The following GCFC2 variants were observed in gnomAD, a reference collection of about 807,000 sequenced individuals.
GCFC2 encodes intron Large complex component GCFC2.
Under a neutral mutation model 99.4 loss-of-function variants are expected in GCFC2, and 102 were observed. The ratio of observed to expected loss-of-function variants is 1.03; its 90% CI spans 0.87 to 1.21. GCFC2 has a LOEUF of 1.21. GCFC2 is among the 50% of genes most tolerant of loss of function. The pLI is 0.00. For synonymous variants in GCFC2, 338 were observed against 316.8 expected, an observed-to-expected ratio of 1.07 and a Z score of -0.71; for missense variants, 973 against 920.9, an observed-to-expected ratio of 1.06 and a Z score of -0.73.
chr2:75,712,286 G>A (rs553849094), upstream of GCFC2, among the ~76,000 whole-genome samples: 2 of 117,044 alleles, frequency 1.7e-5, no homozygotes, highest in Admixed American at 1.7e-4. Flanking sequence ...CTCAAGGTTT[G>A]TAAACCCACC....
chr2:75,689,817 A>G lies in GCFC2; in HGVS notation c.1339+152T>C, dbSNP rs558638912. The G allele has an allele frequency of 1.0e-4, 56 of 553,354 alleles. 1 individual carries two copies. The highest frequency in any genetic ancestry group is 5.7e-4 in the South Asian group (22 of 38,910). 34.3% of individuals were successfully genotyped at this position (553,354 alleles called of 1,614,324 possible). A position where few individuals can be genotyped will look rare whatever the true frequency, so the allele number is the denominator to read the frequency against. ...CATTTTACTCCATTTTTTCAGAGAA[A>G]AGAGTCTTACAGAGGAAAAATGTGT... is the stretch of plus-strand genomic sequence containing the variant. On this transcript the variant is annotated intron_variant, in intron 9 of 16. Coordinates refer to ENST00000321027, the MANE Select transcript of GCFC2 (RefSeq NM_003203.5).
intron 11 of GCFC2, among the ~76,000 whole-genome samples, chr2:75,681,678 A>G (rs1679585796): frequency 6.6e-6 from 1 of 151,908 alleles, no homozygotes; most frequent in African/African-American, 2.4e-5. Flanking sequence ...GGAGCCCAGC[A>G]AGCTAAGATC....
intron 3 of GCFC2, chr2:75,701,980 G>T: frequency 1.5e-6 from 2 of 1,316,528 alleles, no homozygotes; most frequent in South Asian, 2.2e-5. Flanking sequence ...AAGGTGGGAG[G>T]TCAGGCATTA....
intron 15 of GCFC2, among the ~76,000 whole-genome samples, chr2:75,666,295 ATTCT>A (rs1573038122): frequency 6.6e-6 from 1 of 152,194 alleles, no homozygotes; most frequent in Non-Finnish European, 1.5e-5. Context: ...AGTACTAGTA[ATTCT>A]TTCTATATTC....
chr2:75,711,295 C>T (rs1226090329), upstream of GCFC2: 1 of 802,738 alleles, frequency 1.2e-6, no homozygotes, highest in African/African-American at 1.9e-5. Context: ...CAAACGAAAC[C>T]CCAGCAGTGT....
chr2:75,710,865 C>T lies in GCFC2; in HGVS notation c.-10G>A. The T allele has an allele frequency of 6.5e-7, 1 of 1,541,754 alleles. No individual in the cohort carries two copies. Among genetic ancestry groups the T allele is most frequent in the Middle Eastern group, 2.3e-4 (1 of 4,408 alleles). On this transcript the variant is annotated 5_prime_UTR_variant, in exon 1 of 17. Coordinates refer to ENST00000321027, the MANE Select transcript of GCFC2 (RefSeq NM_003203.5). ...TCGGCCTGTGAGCCATGGCCGAGGC[C>T]CGAGCGCCCGGCGCCCTAGAACCCG...
chr2:75,689,427 G>A (rs531119054), intron 9 of GCFC2, among the ~76,000 whole-genome samples: 67 of 152,060 alleles, frequency 4.4e-4, no homozygotes, highest in African/African-American at 8.4e-4. Context: ...CCTGCTATAC[G>A]CAGAAATACA....
chr2:75,692,170 T>TATATATATATATACACAC (rs372259037), intron 6 of GCFC2, 70 bp from the exon 7 acceptor site: 2 of 450,132 alleles, frequency 4.4e-6, no homozygotes, highest in African/African-American at 4.0e-5. Flanking sequence ...TATATATATA[T>TATATATATATATACACAC]AAAAGTAATA....
intron 15 of GCFC2, among the ~76,000 whole-genome samples, chr2:75,668,377 C>G (rs1406294834): frequency 6.7e-6 from 1 of 150,218 alleles, no homozygotes; most frequent in Admixed American, 6.6e-5. Context: ...AACAAAAAAC[C>G]AAATTGTAAC....
intron 11 of GCFC2, among the ~76,000 whole-genome samples, chr2:75,684,848 C>T (rs1242132605): frequency 2.0e-5 from 3 of 152,172 alleles, no homozygotes; most frequent in African/African-American, 7.2e-5. Context: ...AAATGTGGCA[C>T]ATGTACACCA....
In GCFC2 at chr2:75,663,204, T is replaced by A. The variant is rs1202067271; in HGVS notation, c.*1462A>T. The A allele has an allele frequency of 6.6e-6, 1 of 152,196 alleles. No individual in the cohort carries two copies. The highest frequency in any genetic ancestry group is 2.4e-5 in the African/African-American group (1 of 41,462). The allele number at this position is 152,196 out of a possible 1,614,324, so 9.4% of individuals were successfully genotyped here. A position where few individuals can be genotyped will look rare whatever the true frequency, so the allele number is the denominator to read the frequency against. On this transcript the variant is annotated 3_prime_UTR_variant, in exon 17 of 17. Transcript: ENST00000321027. ...CTCCTAAAATAAATTATATGTAGTTTTGAAGGTAGAGGTGACATAAAAGTA... is the reference window on the plus strand; with the variant it reads ...CTCCTAAAATAAATTATATGTAGTTATGAAGGTAGAGGTGACATAAAAGTA...
rs186454984 is a variant in GCFC2 at position 75,704,231 on chromosome 2, T to C, written c.395-1808A>G. On this transcript the variant is annotated intron_variant, in intron 2 of 16. Coordinates refer to ENST00000321027, the MANE Select transcript of GCFC2 (RefSeq NM_003203.5). The stretch of plus-strand genomic sequence containing the variant: ...TATCATCCTATCTGATATGCAATCA[T>C]CTAGGGCTGAGAGGTAAATTATCAT... Among the ~76,000 whole-genome samples the C allele has an allele frequency of 7.4e-4, 112 of 152,326 alleles. No homozygotes were observed. In the East Asian group the frequency reaches 9.1e-3, roughly 12 times the overall value.
rs111967653 is a variant in GCFC2, at chr2:75,688,450, G to A, written c.1540-473C>T. On this transcript the variant is annotated intron_variant, in intron 10 of 16. Coordinates refer to ENST00000321027, the MANE Select transcript of GCFC2 (RefSeq NM_003203.5). ...TCCTATTACACAGTAGGCAGTTGCTGAGTTCATACTTCTTTTTTTTTCTTT... is the reference window on the plus strand; with the variant it reads ...TCCTATTACACAGTAGGCAGTTGCTAAGTTCATACTTCTTTTTTTTTCTTT... 2.5e-3 allele frequency among the ~76,000 whole-genome samples: 388 copies of A among 152,284 alleles called. 3 individuals carry two copies. Among genetic ancestry groups the A allele is most frequent in the African/African-American group, 8.9e-3 (368 of 41,560 alleles).
intron 1 of GCFC2, among the ~76,000 whole-genome samples, chr2:75,709,821 CAATA>C (rs1681052322): frequency 6.6e-6 from 1 of 152,118 alleles, no homozygotes. Context: ...TTTTACTTCT[CAATA>C]AATTAATAAA....
At chr2:75,691,096 G>C (rs890764519) in intron 7 of GCFC2, among the ~76,000 whole-genome samples, 15 of 152,126 alleles carry the variant, frequency 9.9e-5, no homozygotes, top group Admixed American at 5.2e-4. Flanking sequence ...CTAATCTGCA[G>C]GGGACACCTT....
At chr2:75,708,503 T>C (rs1391205765) in intron 1 of GCFC2, among the ~76,000 whole-genome samples, 1 of 69,424 alleles carries the variant, frequency 1.4e-5, no homozygotes, top group African/African-American at 1.0e-4. Context: ...TTTGGCAACT[T>C]TTTTTTTTTT....
intron 10 of GCFC2, among the ~76,000 whole-genome samples, chr2:75,688,332 A>T (rs558561539): frequency 3.3e-5 from 5 of 152,236 alleles, no homozygotes; most frequent in South Asian, 4.1e-4. Context: ...ATTTGTTTAT[A>T]AAAAAAATTC....
At chr2:75,687,030 G>A (rs1376455219) in intron 11 of GCFC2, among the ~76,000 whole-genome samples, 1 of 152,074 alleles carries the variant, frequency 6.6e-6, no homozygotes, top group African/African-American at 2.4e-5. Context: ...CGCCTCCCAG[G>A]TTTAAGCAAT....
Position 75,686,756 on chromosome 2 carries a change from A to G in GCFC2, c.1690+1071T>C, listed in dbSNP as rs536960873. Among the ~76,000 whole-genome samples, 231 of 152,170 alleles carry G rather than the reference A, an allele frequency of 1.5e-3. 2 individuals are homozygous for G. The highest frequency in any genetic ancestry group is 2.7e-3 in the Non-Finnish European group (183 of 67,992). ...AAGACCCTGTCTCAAAAACAAACACACAAAAAATTAAATAAGAGTTTTGCA... is the reference window on the plus strand; with the variant it reads ...AAGACCCTGTCTCAAAAACAAACACGCAAAAAATTAAATAAGAGTTTTGCA... On this transcript the variant is annotated intron_variant, in intron 11 of 16. Transcript: ENST00000321027.
Sources: allele counts gnomAD v4.1 joint callset (sites outside exome capture counted in the v4.1 genomes callset), GRCh38; gene constraint gnomAD v4.1.1; transcripts MANE v1.5; gene names NCBI Gene and HGNC (gene_info 2026-07-23, HGNC 2026-07-21).